The following PKIB variants were observed in gnomAD, a reference collection of about 807,000 sequenced individuals.
The protein encoded by PKIB is cAMP-dependent protein kinase inhibitor beta.
PKIB carries 2 observed loss-of-function variants against 4.5 expected under a neutral mutation model. The ratio of observed to expected loss-of-function variants is 0.44; its 90% CI spans 0.18 to 1.39. The LOEUF is 1.39. Among genes scored for constraint, PKIB ranks in the 40% most tolerant of loss-of-function variants. The probability of loss-of-function intolerance (pLI) is 0.27; values close to 1 mark genes in which losing one functional copy is unlikely to be tolerated. For synonymous variants in PKIB, 38 were observed against 36.0 expected, an observed-to-expected ratio of 1.06 and a Z score of -0.20; for missense variants, 94 against 92.6, an observed-to-expected ratio of 1.02 and a Z score of -0.06.
intron 2 of PKIB, among the ~76,000 whole-genome samples, chr6:122,563,228 T>C (rs1773083485): frequency 6.6e-6 from 1 of 152,124 alleles, no homozygotes; most frequent in Non-Finnish European, 1.5e-5. Context: ...GTGATTGTTG[T>C]CCCTCTTCTG....
chr6:122,473,089 C>A (rs1307209513), intron 1 of PKIB, among the ~76,000 whole-genome samples: 4 of 152,122 alleles, frequency 2.6e-5, no homozygotes, highest in Non-Finnish European at 5.9e-5. Flanking sequence ...CCAGCCTGGG[C>A]TGCAGAGCGA....
intron 3 of PKIB, among the ~76,000 whole-genome samples, chr6:122,679,526 G>C (rs901644082): frequency 1.3e-5 from 2 of 152,124 alleles, no homozygotes; most frequent in African/African-American, 4.8e-5. Flanking sequence ...AGAGGCTGGT[G>C]ATCTTGGGTA....
chr6:122,701,495 A>C (rs745941800), intron 3 of PKIB: 1 of 1,596,904 alleles, frequency 6.3e-7, no homozygotes, highest in African/African-American at 1.3e-5. Context: ...AGCATGTCAC[A>C]CCAGGGTATA....
chr6:122,627,723 A>G (rs1775514984), intron 1 of PKIB, among the ~76,000 whole-genome samples: 1 of 151,970 alleles, frequency 6.6e-6, no homozygotes, highest in African/African-American at 2.4e-5. Flanking sequence ...GCCTTCATTC[A>G]TTTTTCTTCA....
At chr6:122,677,608 C>A (rs760047084) in intron 3 of PKIB, among the ~76,000 whole-genome samples, 42 of 152,250 alleles carry the variant, frequency 2.8e-4, no homozygotes, top group Non-Finnish European at 3.1e-4. Flanking sequence ...ATATGTCAAG[C>A]CCATAAATTT....
chr6:122,692,622 C>G (rs575592170), intron 3 of PKIB, among the ~76,000 whole-genome samples: 1 of 147,234 alleles, frequency 6.8e-6, no homozygotes. Context: ...CCAGAAATGC[C>G]ATCCAAGAGC....
At chr6:122,582,515 T>C (rs1316921886) in intron 2 of PKIB, among the ~76,000 whole-genome samples, 2 of 152,132 alleles carry the variant, frequency 1.3e-5, no homozygotes, top group African/African-American at 4.8e-5. Context: ...AAAAGCCATT[T>C]GCACTAATGT....
intron 2 of PKIB, among the ~76,000 whole-genome samples, chr6:122,546,774 A>G (rs939830364): frequency 2.6e-5 from 4 of 152,106 alleles, no homozygotes; most frequent in African/African-American, 9.7e-5. Flanking sequence ...AACTTATGAA[A>G]TTAATGAATT....
intron 3 of PKIB, among the ~76,000 whole-genome samples, chr6:122,686,820 T>G (rs1202235301): frequency 6.6e-6 from 1 of 152,160 alleles, no homozygotes; most frequent in Non-Finnish European, 1.5e-5. Flanking sequence ...AATTATTAAT[T>G]TTTTCCTATA....
At chr6:122,662,801 A>T (rs1426084395) in intron 2 of PKIB, among the ~76,000 whole-genome samples, 1 of 152,122 alleles carries the variant, frequency 6.6e-6, no homozygotes, top group Non-Finnish European at 1.5e-5. Flanking sequence ...AAGTTTAGAG[A>T]GGGTATATAA....
At chr6:122,530,483 T>G (rs1363159002) in intron 2 of PKIB, among the ~76,000 whole-genome samples, 2 of 152,224 alleles carry the variant, frequency 1.3e-5, no homozygotes, top group Non-Finnish European at 2.9e-5. Flanking sequence ...CCATGTTTTT[T>G]CTTTGTATGC....
chr6:122,690,898 C>T (rs904521659), intron 3 of PKIB, among the ~76,000 whole-genome samples: 3 of 144,340 alleles, frequency 2.1e-5, no homozygotes, highest in African/African-American at 7.6e-5. Context: ...GTCCTTATTT[C>T]TCCTTCATGC....
At chr6:122,521,466 G>A (rs1422569612) in intron 2 of PKIB, among the ~76,000 whole-genome samples, 1 of 151,990 alleles carries the variant, frequency 6.6e-6, no homozygotes, top group Non-Finnish European at 1.5e-5. Context: ...AGATCACGAG[G>A]TCAGGAGATC....
At position 122,567,050 on chromosome 6, in the gene PKIB, A is replaced by T. The variant is rs751771622; in HGVS notation, c.-247-18871A>T. Among the ~76,000 whole-genome samples the T allele has an allele frequency of 2.6e-5, 4 of 152,180 alleles. No individual in the cohort carries two copies. In the East Asian group the frequency reaches 7.7e-4, roughly 29 times the overall value. ...CAATTTACAATGTCCTCAGAAATAT[A>T]TAGAGGTAAAAATTTCAATAGGCTG... is the stretch of plus-strand genomic sequence containing the variant. On this transcript the variant is annotated intron_variant, in intron 2 of 6. Coordinates refer to the PKIB transcript ENST00000392491.
At chr6:122,577,104 CACT>C (rs1374420242) in intron 2 of PKIB, among the ~76,000 whole-genome samples, 1 of 152,136 alleles carries the variant, frequency 6.6e-6, no homozygotes, top group East Asian at 1.9e-4. Context: ...ACAATAATTA[CACT>C]ATAACATTAT....
intron 3 of PKIB, among the ~76,000 whole-genome samples, chr6:122,595,176 C>T (rs1352605492): frequency 2.0e-5 from 3 of 152,132 alleles, no homozygotes; most frequent in East Asian, 1.9e-4. Flanking sequence ...TTGCTGAATC[C>T]GTGAACTCTG....
At chr6:122,475,238 C>G (rs954940249) in intron 1 of PKIB, among the ~76,000 whole-genome samples, 3 of 152,140 alleles carry the variant, frequency 2.0e-5, no homozygotes, top group African/African-American at 4.8e-5. Context: ...ACCAAAACGC[C>G]TGGCCCATTG....
Position 122,650,770 on chromosome 6 carries a change from C to T in PKIB, c.-76+17403C>T, listed in dbSNP as rs1305307815. Among the ~76,000 whole-genome samples, 11 of 152,232 alleles carry T rather than the reference C, an allele frequency of 7.2e-5. No homozygotes were observed. The East Asian group carries it at 1.9e-3, about 27-fold the overall frequency. On this transcript the variant is annotated intron_variant, in intron 2 of 4. Coordinates refer to ENST00000368452, the MANE Select transcript of PKIB (RefSeq NM_181795.3). Reference sequence around the variant, plus strand: ...CTCACCATCATGATGAAATGTGTGTCCTAAGGACTCTCCTGGGGTATGTGA... The same window carrying T: ...CTCACCATCATGATGAAATGTGTGTTCTAAGGACTCTCCTGGGGTATGTGA...
intron 3 of PKIB, among the ~76,000 whole-genome samples, chr6:122,703,035 T>G (rs1390295267): frequency 6.6e-6 from 1 of 152,174 alleles, no homozygotes; most frequent in South Asian, 2.1e-4. Flanking sequence ...AAGCCATAAT[T>G]GTGCAATAAT....
Sources: gnomAD v4.1 joint callset for allele counts (sites outside exome capture counted in the v4.1 genomes callset) on GRCh38, gnomAD v4.1.1 for gene constraint, MANE v1.5 for transcripts, NCBI Gene and HGNC (gene_info 2026-07-23, HGNC 2026-07-21) for gene names.